The following ZNF253 variants were observed in gnomAD, a reference collection of about 807,000 sequenced individuals.
ZNF253 encodes the protein DNA-binding protein.
Under a neutral mutation model 11.9 loss-of-function variants are expected in ZNF253, and 8 were observed. That is an observed-to-expected ratio of 0.67 (90% confidence interval 0.40 to 1.22). The LOEUF is 1.22. ZNF253 is among the 50% of genes most tolerant of loss of function. The pLI is 0.01. For synonymous variants in ZNF253, 194 were observed against 194.9 expected (o/e 1.00, Z 0.04); for missense variants, 485 against 586.9 (o/e 0.83, Z 1.79).
intron 1 of ZNF253, 24 bp downstream of exon 1, chr19:19,866,023 G>T: frequency 6.2e-7 from 1 of 1,614,136 alleles, no homozygotes; most frequent in Non-Finnish European, 8.5e-7. Flanking sequence ...CCAACGTCCC[G>T]AGAGAGGGGA....
At chr19:19,875,005 G>C (rs754964387) in intron 1 of ZNF253, among the ~76,000 whole-genome samples, 8 of 152,252 alleles carry the variant, frequency 5.3e-5, no homozygotes, top group Non-Finnish European at 8.8e-5. Flanking sequence ...TAGTGGCATA[G>C]AGAACAGAAT....
rs1236836234 is a variant in ZNF253, at chr19:19,892,562, C to CT, written c.1316dup (p.Thr440AsnfsTer4). The CT allele has an allele frequency of 2.5e-6, 4 of 1,613,794 alleles. No homozygotes were observed. Among genetic ancestry groups the CT allele is most frequent in the Non-Finnish European group, 3.4e-6 (4 of 1,179,946 alleles). ...CAAATCCTTTACTGCATCCTCAACT[C>CT]TAACTACACATAAGAGAATTCATAC... On this transcript the variant is annotated frameshift_variant, in exon 4 of 4. Transcript: ENST00000589717. LOFTEE classifies it low-confidence loss of function (END_TRUNC).
chr19:19,886,568 T>A (rs149767123), intron 3 of ZNF253, among the ~76,000 whole-genome samples: 326 of 152,320 alleles, frequency 2.1e-3, no homozygotes, highest in African/African-American at 7.6e-3. Context: ...CAAAAACTTT[T>A]CACTCTATTA....
chr19:19,874,389 C>T lies in ZNF253; in HGVS notation c.4-4092C>T, dbSNP rs185911133. On this transcript the variant is annotated intron_variant, in intron 1 of 3. Transcript: ENST00000589717. ...AAATACAAAAATTAGCTAGGCATGG[C>T]GGCACACGCTTGTAGTTTCAGCTAC... Among the ~76,000 whole-genome samples, 747 of 152,014 alleles carry T rather than the reference C, an allele frequency of 4.9e-3. 10 individuals are homozygous for T. Among genetic ancestry groups the T allele is most frequent in the African/African-American group, 0.017 (709 of 41,474 alleles).
Sources: gnomAD v4.1 joint callset for allele counts (sites outside exome capture counted in the v4.1 genomes callset) on GRCh38, gnomAD v4.1.1 for gene constraint, MANE v1.5 for transcripts, NCBI Gene and HGNC (gene_info 2026-07-23, HGNC 2026-07-21) for gene names.